Variants in ATP6V1G3 observed in about 807,000 individuals in gnomAD.
ATP6V1G3 encodes ATPase H+ transporting V1 subunit G3.
Under a neutral mutation model 9.3 loss-of-function variants are expected in ATP6V1G3, and 9 were observed. The observed-to-expected ratio is 0.97, with a 90% confidence interval of 0.59 to 1.69. The LOEUF (loss-of-function observed/expected upper bound fraction) is 1.69, where lower values mean the gene tolerates loss of function less well. Ranked by LOEUF, ATP6V1G3 falls within the 40% of genes most tolerant of loss-of-function variation. The probability of loss-of-function intolerance (pLI) is 0.00; values close to 1 mark genes in which losing one functional copy is unlikely to be tolerated. For missense variants in ATP6V1G3, 133 were observed against 139.0 expected (o/e 0.96, Z 0.22); for synonymous variants, 43 against 43.8 (o/e 0.98, Z 0.07).
intron 1 of ATP6V1G3, among the ~76,000 whole-genome samples, chr1:198,539,711 G>T (rs767782194): frequency 1.3e-5 from 2 of 152,158 alleles, no homozygotes; most frequent in African/African-American, 2.4e-5. Flanking sequence ...TTTCAGTAAA[G>T]GTTGTGAGGA....
chr1:198,534,775 C>A (rs1660040104), intron 1 of ATP6V1G3, among the ~76,000 whole-genome samples: 1 of 152,168 alleles, frequency 6.6e-6, no homozygotes, highest in South Asian at 2.1e-4. Context: ...AACTTTTGAT[C>A]TATTCTACCA....
intron 1 of ATP6V1G3, chr1:198,536,757 A>G: frequency 6.6e-7 from 1 of 1,524,926 alleles, no homozygotes; most frequent in Non-Finnish European, 9.1e-7. Context: ...ATGGAATGAG[A>G]TCATTCTAGT....
intron 1 of ATP6V1G3, chr1:198,536,693 G>A (rs1660125889): frequency 6.2e-7 from 1 of 1,606,112 alleles, no homozygotes; most frequent in Admixed American, 1.7e-5. Context: ...AGCAGTCCCA[G>A]TCTCTTCGTT....
In ATP6V1G3 at chr1:198,539,188, T is replaced by G. The variant is rs183487607; in HGVS notation, c.82+1381A>C. Among the ~76,000 whole-genome samples the G allele has an allele frequency of 3.4e-4, 52 of 152,344 alleles. 1 individual carries two copies. The South Asian group carries it at 3.7e-3, about 11-fold the overall frequency. On this transcript the variant is annotated intron_variant, in intron 1 of 2. Transcript: ENST00000367382. Reference sequence around the variant, plus strand: ...GCTGAGTGTTCAGGAAATCTATTTATCTTAAGAAAAGGAAATGATTTTACC... The same window carrying G: ...GCTGAGTGTTCAGGAAATCTATTTAGCTTAAGAAAAGGAAATGATTTTACC...
At position 198,540,437 on chromosome 1, in the gene ATP6V1G3, G is replaced by A. The variant is rs114403260; in HGVS notation, c.82+132C>T. 3.6e-3 allele frequency: 2,964 copies of A among 814,638 alleles called. 12 individuals are homozygous for A. The highest frequency in any genetic ancestry group is 5.4e-3 in the Non-Finnish European group (2,599 of 485,686). The allele number at this position is 814,638 out of a possible 1,614,324, so 50.5% of individuals were successfully genotyped here. A position where few individuals can be genotyped will look rare whatever the true frequency, so the allele number is the denominator to read the frequency against. ...TATGGCTGGGTAATTTTAATGAATG[G>A]GTGAAGGTCTCACAGGGAGTACAGT... On this transcript the variant is annotated intron_variant, in intron 1 of 2. Transcript: ENST00000367382.
At chr1:198,537,528 C>T (rs1660166183) in intron 1 of ATP6V1G3, among the ~76,000 whole-genome samples, 1 of 152,128 alleles carries the variant, frequency 6.6e-6, no homozygotes, top group Non-Finnish European at 1.5e-5. Flanking sequence ...GAGAAAATGA[C>T]CATAGACCTT....
chr1:198,526,162 C>G (rs1190895327), intron 2 of ATP6V1G3, among the ~76,000 whole-genome samples: 4 of 152,164 alleles, frequency 2.6e-5, no homozygotes, highest in Non-Finnish European at 5.9e-5. Flanking sequence ...ATAACAATGA[C>G]TAGTCATACA....
intron 2 of ATP6V1G3, among the ~76,000 whole-genome samples, chr1:198,527,039 T>C (rs1322207880): frequency 1.3e-5 from 2 of 152,160 alleles, no homozygotes; most frequent in Admixed American, 1.3e-4. Context: ...GTCAGGGGAC[T>C]TGAAAAATCA....
At chr1:198,533,240 G>A (rs1246535934) in intron 1 of ATP6V1G3, among the ~76,000 whole-genome samples, 4 of 151,636 alleles carry the variant, frequency 2.6e-5, no homozygotes, top group Admixed American at 2.6e-4. Context: ...GGAGGCAGAG[G>A]CTCAGTGAGC....
intron 1 of ATP6V1G3, among the ~76,000 whole-genome samples, chr1:198,538,891 C>CAAAAA (rs71569596): frequency 1.0e-5 from 1 of 97,388 alleles, no homozygotes; most frequent in African/African-American, 4.4e-5. Context: ...GACCCTGTCT[C>CAAAAA]AAAAAAAAAA....
intron 1 of ATP6V1G3, among the ~76,000 whole-genome samples, chr1:198,535,083 G>T (rs1391711248): frequency 6.6e-6 from 1 of 152,042 alleles, no homozygotes; most frequent in Non-Finnish European, 1.5e-5. Flanking sequence ...ATAGTTTTGT[G>T]TAGCTCCTGG....
intron 1 of ATP6V1G3, among the ~76,000 whole-genome samples, chr1:198,530,936 T>A (rs1257259764): frequency 6.6e-6 from 1 of 152,150 alleles, no homozygotes; most frequent in Non-Finnish European, 1.5e-5. Context: ...CATGCCTCAC[T>A]ACTCTCCATC....
At chr1:198,536,837 A>G in intron 1 of ATP6V1G3, 2 of 856,410 alleles carry the variant, frequency 2.3e-6, no homozygotes, top group South Asian at 2.1e-5. Flanking sequence ...TAAAAATAAA[A>G]ATAACTCTAG....
At chr1:198,526,845 GATCT>G (rs1659672685) in intron 2 of ATP6V1G3, among the ~76,000 whole-genome samples, 1 of 152,078 alleles carries the variant, frequency 6.6e-6, no homozygotes, top group Non-Finnish European at 1.5e-5. Context: ...TTAGATTCAT[GATCT>G]ATCTGACTTT....
At chr1:198,529,962 T>A (rs1659830330) in intron 1 of ATP6V1G3, among the ~76,000 whole-genome samples, 2 of 152,120 alleles carry the variant, frequency 1.3e-5, no homozygotes, top group East Asian at 1.9e-4. Flanking sequence ...TGGTAATCAT[T>A]AGCTGAGCAC....
At chr1:198,526,589 C>T (rs536369048) in intron 2 of ATP6V1G3, among the ~76,000 whole-genome samples, 3 of 152,256 alleles carry the variant, frequency 2.0e-5, no homozygotes, top group Admixed American at 2.0e-4. Context: ...AGCTTTACAG[C>T]ATAATGACTG....
chr1:198,526,535 T>A (rs936200777), intron 2 of ATP6V1G3, among the ~76,000 whole-genome samples: 5 of 152,192 alleles, frequency 3.3e-5, no homozygotes, highest in African/African-American at 9.6e-5. Flanking sequence ...TGTGAGGACT[T>A]CTCCATGTTA....
In ATP6V1G3 at chr1:198,536,561, A is replaced by G. The variant is rs1242669498; in HGVS notation, c.82+4008T>C. 3.7e-6 allele frequency: 3 copies of G among 800,618 alleles called. No individual in the cohort carries two copies. In the Admixed American group the frequency reaches 7.2e-5, roughly 19 times the overall value. 49.6% of individuals were successfully genotyped at this position (800,618 alleles called of 1,614,324 possible). ...TGCAAACTACTGTGATTTCATCTAA[A>G]TTCAACCAAAATAGTAAGGCAGTTT... On this transcript the variant is annotated intron_variant, in intron 1 of 2. Transcript: ENST00000367382.
At chr1:198,533,981 T>G (rs1660008602) in intron 1 of ATP6V1G3, among the ~76,000 whole-genome samples, 1 of 152,100 alleles carries the variant, frequency 6.6e-6, no homozygotes, top group Admixed American at 6.6e-5. Flanking sequence ...GAAAATGGAA[T>G]GAAACATTGT....
Sources: allele counts gnomAD v4.1 joint callset (sites outside exome capture counted in the v4.1 genomes callset), GRCh38; gene constraint gnomAD v4.1.1; transcripts MANE v1.5; gene names NCBI Gene and HGNC (gene_info 2026-07-23, HGNC 2026-07-21).